ADAMTSL1: variants seen among roughly 807,000 people sequenced by gnomAD.
ADAMTSL1 encodes ADAMTS like 1.
A neutral mutation model predicts 201.8 loss-of-function variants in ADAMTSL1; 126 were observed. The observed-to-expected ratio is 0.62, with a 90% CI of 0.54 to 0.72. The LOEUF (loss-of-function observed/expected upper bound fraction) is 0.72. Ranked by LOEUF, ADAMTSL1 falls within the 30% of genes least tolerant of loss-of-function variation. The pLI is 0.00. For missense variants in ADAMTSL1, 2,679 were observed against 2,277.8 expected, an observed-to-expected ratio of 1.18 and a Z score of -3.59; for synonymous variants, 1,121 against 903.4, an observed-to-expected ratio of 1.24 and a Z score of -4.32.
rs10963705 is a variant in ADAMTSL1, at chr9:18,649,609, C to A, written c.835-8030C>A. 7.2e-5 allele frequency among the ~76,000 whole-genome samples: 11 copies of A among 151,828 alleles called. 1 individual carries two copies. In the South Asian group the frequency reaches 1.9e-3, roughly 26 times the overall value. On this transcript the variant is annotated intron_variant, in intron 7 of 28. Coordinates refer to ENST00000380548, the MANE Select transcript of ADAMTSL1 (RefSeq NM_001040272.6). ...GTTTGTTAGTTTTCCTTCTAACAGACAGGACCCTCAGCTGCAGGTCTGTTG... is the reference window on the plus strand; with the variant it reads ...GTTTGTTAGTTTTCCTTCTAACAGAAAGGACCCTCAGCTGCAGGTCTGTTG...
At chr9:17,968,880 T>C (rs760909654) in intron 1 of ADAMTSL1, among the ~76,000 whole-genome samples, 2 of 152,108 alleles carry the variant, frequency 1.3e-5, no homozygotes, top group Non-Finnish European at 2.9e-5. Flanking sequence ...TCAATGACAC[T>C]GTATCTAGGG....
intron 13 of ADAMTSL1, among the ~76,000 whole-genome samples, chr9:18,700,299 G>T (rs1465576833): frequency 2.0e-5 from 3 of 152,072 alleles, no homozygotes; most frequent in East Asian, 3.9e-4. Flanking sequence ...ATTTTAGAGG[G>T]TTTATTTAAA....
intron 17 of ADAMTSL1, among the ~76,000 whole-genome samples, chr9:18,775,209 T>G (rs560054536): frequency 1.3e-5 from 2 of 152,356 alleles, no homozygotes; most frequent in South Asian, 4.1e-4. Flanking sequence ...GGAACTATTC[T>G]TGCACATCTT....
chr9:18,586,689 C>A (rs117882383), intron 4 of ADAMTSL1, among the ~76,000 whole-genome samples: 67 of 152,182 alleles, frequency 4.4e-4, no homozygotes, highest in Non-Finnish European at 9.1e-4. Flanking sequence ...TACCTGACTT[C>A]AAACTATAGT....
intron 2 of ADAMTSL1, among the ~76,000 whole-genome samples, chr9:18,420,557 G>GT (rs1179623894): frequency 6.6e-6 from 1 of 152,170 alleles, no homozygotes; most frequent in African/African-American, 2.4e-5. Context: ...ATGCCTTTGT[G>GT]AGGAACTAGG....
intron 26 of ADAMTSL1, among the ~76,000 whole-genome samples, chr9:18,904,922 T>C (rs1830218759): frequency 6.6e-6 from 1 of 151,908 alleles, no homozygotes; most frequent in African/African-American, 2.4e-5. Flanking sequence ...CATGGATCCC[T>C]CTGAGTACTT....
chr9:18,203,192 T>TCC (rs1418605301), intron 2 of ADAMTSL1, among the ~76,000 whole-genome samples: 4 of 152,050 alleles, frequency 2.6e-5, no homozygotes, highest in African/African-American at 9.7e-5. Flanking sequence ...CCTGCTGAAG[T>TCC]CTAGCACCAT....
At chr9:18,540,443 A>T (rs976753376) in intron 3 of ADAMTSL1, among the ~76,000 whole-genome samples, 1 of 152,170 alleles carries the variant, frequency 6.6e-6, no homozygotes, top group South Asian at 2.1e-4. Context: ...TGGTCAGGAA[A>T]TTCTCTCTGA....
chr9:18,492,132 G>C (rs1822298446), intron 1 of ADAMTSL1, among the ~76,000 whole-genome samples: 1 of 152,040 alleles, frequency 6.6e-6, no homozygotes, highest in South Asian at 2.1e-4. Flanking sequence ...TTACACAGTA[G>C]GGAAGCACAA....
rs566306112 is a variant in ADAMTSL1 at position 18,272,117 on chromosome 9, T to G, written c.207+108136T>G. 5.6e-3 allele frequency among the ~76,000 whole-genome samples: 849 copies of G among 152,274 alleles called. 9 individuals are homozygous for G. Among genetic ancestry groups the G allele is most frequent in the African/African-American group, 0.02 (823 of 41,552 alleles). ...GTAGATTGCAAAACTTTTCTCCCAT[T>G]CTGTAGGTTGCCTGTTCACTCTGAT... is the stretch of plus-strand genomic sequence containing the variant. On this transcript the variant is annotated intron_variant, in intron 2 of 29. Transcript: ENST00000680146.
Position 18,069,577 on chromosome 9 carries a change from G to A in ADAMTSL1, c.88-94285G>A, listed in dbSNP as rs112944910. 3.2e-3 allele frequency among the ~76,000 whole-genome samples: 480 copies of A among 152,230 alleles called. 2 individuals carry two copies. Among genetic ancestry groups the A allele is most frequent in the African/African-American group, 0.011 (459 of 41,534 alleles). ...ACTTGATTTCAAAGCCCACTTATGG[G>A]TCAAAATTTATAGTTTAAAACATAT... On this transcript the variant is annotated intron_variant, in intron 1 of 29. Coordinates refer to the ADAMTSL1 transcript ENST00000680146.
chr9:18,645,152 T>G lies in ADAMTSL1; in HGVS notation c.834+5741T>G, dbSNP rs528479587. Reference sequence around the variant, plus strand: ...TCTGAGGGCCAGTGATGATGAGCATTTTTTCATGTGTCTTTTGGCTGCAAA... The same window carrying G: ...TCTGAGGGCCAGTGATGATGAGCATGTTTTCATGTGTCTTTTGGCTGCAAA... On this transcript the variant is annotated intron_variant, in intron 7 of 28. Transcript: ENST00000380548. 3.4e-3 allele frequency among the ~76,000 whole-genome samples: 513 copies of G among 152,302 alleles called. 1 individual carries two copies. Among genetic ancestry groups the G allele is most frequent in the African/African-American group, 0.012 (492 of 41,560 alleles).
intron 1 of ADAMTSL1, among the ~76,000 whole-genome samples, chr9:18,085,374 T>C (rs1823702969): frequency 6.6e-6 from 1 of 151,836 alleles, no homozygotes; most frequent in Non-Finnish European, 1.5e-5. Context: ...ATAGACATCA[T>C]GATGAAATGG....
chr9:18,267,664 C>T (rs1832172192), intron 2 of ADAMTSL1, among the ~76,000 whole-genome samples: 1 of 151,444 alleles, frequency 6.6e-6, no homozygotes, highest in African/African-American at 2.4e-5. Flanking sequence ...AACTCAGTTC[C>T]CAACTCACCT....
At position 18,706,674 on chromosome 9, in the gene ADAMTSL1, A is replaced by C. The variant is rs1832251040; in HGVS notation, c.1575-73A>C. On this transcript the variant is annotated intron_variant, in intron 13 of 28. Transcript: ENST00000380548. ...TGGGCACTGGAGGCAGGTGGGATGC[A>C]GCCCCTCACAGCCCCCATGGCTTCC... The C allele has an allele frequency of 6.9e-6, 10 of 1,444,336 alleles. No individual in the cohort carries two copies. In the Admixed American group the frequency reaches 2.0e-4, roughly 30 times the overall value. The allele number at this position is 1,444,336 out of a possible 1,614,324, so 89.5% of individuals were successfully genotyped here.
At chr9:18,905,015 C>T (rs565177009) in intron 26 of ADAMTSL1, among the ~76,000 whole-genome samples, 1 of 152,236 alleles carries the variant, frequency 6.6e-6, no homozygotes, top group South Asian at 2.1e-4. Context: ...ATTAACACCC[C>T]AGCACCACCC....
At chr9:18,477,548 G>C (rs554487535) in intron 1 of ADAMTSL1, among the ~76,000 whole-genome samples, 1 of 152,130 alleles carries the variant, frequency 6.6e-6, no homozygotes, top group Non-Finnish European at 1.5e-5. Flanking sequence ...ACAGGAGACC[G>C]CGGCCTGTTC....
chr9:18,639,371 T>G lies in ADAMTSL1; in HGVS notation c.794T>G (p.Leu265Arg), dbSNP rs1367300296. The G allele has an allele frequency of 2.5e-6, 4 of 1,612,858 alleles. No homozygotes were observed. The highest frequency in any genetic ancestry group is 3.4e-6 in the Non-Finnish European group (4 of 1,179,236). ...DFQKFPDKEI[L>R]RMAGPLTADF... is the part of the protein sequence containing the mutation. ...CAGAAATTTCCAGACAAAGAGATAC[T>G]GAGAATGGCTGGACCACTCACAGCA... The change falls in exon 7 of 29, where the codon CTG becomes CGG. Residue 265 changes from leucine (L) to arginine (R), a missense_variant. Physicochemically the swap from Leu to Arg is moderately radical, Grantham distance 102. Transcript: ENST00000380548.
chr9:18,894,212 C>A (rs1448841379), intron 26 of ADAMTSL1, among the ~76,000 whole-genome samples: 1 of 152,186 alleles, frequency 6.6e-6, no homozygotes, highest in Non-Finnish European at 1.5e-5. Flanking sequence ...TGGCCAGGCA[C>A]AACGGCTCAT....
Sources: gnomAD v4.1 joint callset for allele counts (sites outside exome capture counted in the v4.1 genomes callset) on GRCh38, gnomAD v4.1.1 for gene constraint, MANE v1.5 for transcripts, NCBI Gene and HGNC (gene_info 2026-07-23, HGNC 2026-07-21) for gene names.